The following SAMD13 variants were observed in gnomAD, a reference collection of about 807,000 sequenced individuals.
SAMD13 encodes sterile alpha motif domain-containing protein 13.
In SAMD13, 9 loss-of-function variants were observed where a neutral mutation model predicts 12.4. The ratio of observed to expected loss-of-function variants is 0.72; its 90% CI spans 0.44 to 1.26. The LOEUF is 1.26. SAMD13 is among the 50% of genes most tolerant of loss of function. SAMD13 has a pLI of 0.00. For synonymous variants in SAMD13, 46 were observed against 45.4 expected, an observed-to-expected ratio of 1.01 and a Z score of -0.05; for missense variants, 84 against 119.6, an observed-to-expected ratio of 0.70 and a Z score of 1.39.
At chr1:84,322,765 C>T (rs184453618) in intron 2 of SAMD13, among the ~76,000 whole-genome samples, 16 of 152,086 alleles carry the variant, frequency 1.1e-4, no homozygotes, top group East Asian at 7.7e-4. Context: ...AAGAGTGCCC[C>T]GTTCCACGTT....
intron 3 of SAMD13, among the ~76,000 whole-genome samples, chr1:84,330,362 A>T (rs315551): frequency 0.99 from 151,025 of 152,322 alleles, 74,877 homozygotes; most frequent in East Asian, 1. Context: ...GTGAATAGAT[A>T]TTTTGTTTTT....
chr1:84,299,561 A>AC, upstream of SAMD13: 3 of 1,466,236 alleles, frequency 2.0e-6, no homozygotes, highest in Non-Finnish European at 2.7e-6. Context: ...CACACATCAC[A>AC]CTCACATACT....
chr1:84,319,022 A>G (rs1678888886), intron 2 of SAMD13, among the ~76,000 whole-genome samples: 1 of 152,218 alleles, frequency 6.6e-6, no homozygotes. Context: ...AGCAGAATTC[A>G]CAGACATTGA....
chr1:84,308,980 T>C (rs1046323913), intron 2 of SAMD13, among the ~76,000 whole-genome samples: 11 of 152,306 alleles, frequency 7.2e-5, no homozygotes, highest in African/African-American at 2.6e-4. Flanking sequence ...ATTGAATAAA[T>C]AAATCTCTTA....
intron 1 of SAMD13, among the ~76,000 whole-genome samples, chr1:84,302,373 C>T (rs868812142): frequency 3.2e-5 from 4 of 125,786 alleles, no homozygotes; most frequent in Admixed American, 8.3e-5. Context: ...CAGTTTTGTT[C>T]GTAGCTTTTT....
chr1:84,335,820 A>C (rs1454749305), intron 3 of SAMD13, among the ~76,000 whole-genome samples: 3 of 152,184 alleles, frequency 2.0e-5, no homozygotes, highest in Admixed American at 2.0e-4. Flanking sequence ...GTTTGGCTGG[A>C]TATGAAATTC....
chr1:84,307,399 A>G (rs1678602735), intron 2 of SAMD13, among the ~76,000 whole-genome samples: 1 of 152,166 alleles, frequency 6.6e-6, no homozygotes, highest in African/African-American at 2.4e-5. Context: ...TTTTAAGAGT[A>G]TCTTCCATGG....
intron 3 of SAMD13, among the ~76,000 whole-genome samples, chr1:84,343,584 C>T (rs901157579): frequency 6.6e-6 from 1 of 152,174 alleles, no homozygotes; most frequent in Non-Finnish European, 1.5e-5. Flanking sequence ...AGCCATTATC[C>T]TCAGCAAACT....
At chr1:84,299,843 C>T (rs1678410712), upstream of SAMD13, among the ~76,000 whole-genome samples, 1 of 151,950 alleles carries the variant, frequency 6.6e-6, no homozygotes, top group South Asian at 2.1e-4. Flanking sequence ...TCTTGTGTAA[C>T]AGGCAAACTT....
chr1:84,344,223 C>G (rs1317971939), intron 3 of SAMD13, among the ~76,000 whole-genome samples: 1 of 152,114 alleles, frequency 6.6e-6, no homozygotes, highest in Non-Finnish European at 1.5e-5. Context: ...GATTTAAGTG[C>G]AAAAGCCATT....
At chr1:84,343,710 G>A (rs1038770999) in intron 3 of SAMD13, among the ~76,000 whole-genome samples, 1 of 152,152 alleles carries the variant, frequency 6.6e-6, no homozygotes, top group African/African-American at 2.4e-5. Flanking sequence ...GTCAGGGGTG[G>A]GTTGGGGAGA....
chr1:84,336,575 C>A (rs537896980), intron 3 of SAMD13, among the ~76,000 whole-genome samples: 10 of 152,116 alleles, frequency 6.6e-5, no homozygotes, highest in Non-Finnish European at 1.3e-4. Context: ...GACCTGCCCT[C>A]ATGATTCAAT....
intron 3 of SAMD13, among the ~76,000 whole-genome samples, chr1:84,336,981 T>C (rs1478354237): frequency 1.3e-5 from 2 of 152,134 alleles, no homozygotes; most frequent in South Asian, 2.1e-4. Context: ...ATCTTTAAGC[T>C]CCAAAATGAT....
chr1:84,299,673 A>ATATATATTTATT (rs756472323), upstream of SAMD13: 18 of 900,570 alleles, frequency 2.0e-5, no homozygotes, highest in African/African-American at 2.9e-4. Flanking sequence ...ATATATATAT[A>ATATATATTTATT]TATTTATTTA....
At chr1:84,330,452 T>G (rs1451249898) in intron 3 of SAMD13, among the ~76,000 whole-genome samples, 1 of 152,194 alleles carries the variant, frequency 6.6e-6, no homozygotes, top group Non-Finnish European at 1.5e-5. Context: ...TGCTAAGAGC[T>G]TTGGTTTTTA....
At chr1:84,316,540 T>C (rs1678837430) in intron 2 of SAMD13, among the ~76,000 whole-genome samples, 2 of 152,168 alleles carry the variant, frequency 1.3e-5, no homozygotes, top group Admixed American at 1.3e-4. Context: ...TATCCATGGA[T>C]GTATTTCTGG....
upstream of SAMD13, among the ~76,000 whole-genome samples, chr1:84,300,459 T>C (rs1195850234): frequency 6.6e-6 from 1 of 152,204 alleles, no homozygotes; most frequent in Non-Finnish European, 1.5e-5. Context: ...CCTAATGTCC[T>C]AAAAGATTAT....
At chr1:84,314,991 T>TCC (rs1381600753) in intron 2 of SAMD13, among the ~76,000 whole-genome samples, 38 of 118,538 alleles carry the variant, frequency 3.2e-4, no homozygotes, top group Non-Finnish European at 4.4e-4. Context: ...CCTCCCTCCC[T>TCC]CTCTCTCTTT....
intron 2 of SAMD13, among the ~76,000 whole-genome samples, chr1:84,310,788 A>G (rs1162991758): frequency 6.6e-6 from 1 of 152,218 alleles, no homozygotes; most frequent in African/African-American, 2.4e-5. Flanking sequence ...GGGGTTTTGC[A>G]TAAATTGATA....
Sources: gnomAD v4.1 joint callset for allele counts (sites outside exome capture counted in the v4.1 genomes callset) on GRCh38, gnomAD v4.1.1 for gene constraint, MANE v1.5 for transcripts, NCBI Gene and HGNC (gene_info 2026-07-23, HGNC 2026-07-21) for gene names.